The following PROM1 variants were observed in gnomAD, a reference collection of about 807,000 sequenced individuals.
The protein encoded by PROM1 is prominin 1, also known as prominin-1.
A neutral mutation model predicts 116.9 loss-of-function variants in PROM1; 105 were observed. The observed-to-expected ratio is 0.90, with a 90% CI of 0.77 to 1.06. PROM1 has a LOEUF of 1.06. Among genes scored for constraint, PROM1 ranks in the 50% least tolerant of loss-of-function variants. PROM1 has a pLI of 0.00. For missense variants in PROM1, 1,122 were observed against 1,045.2 expected, an observed-to-expected ratio of 1.07 and a Z score of -1.01; for synonymous variants, 393 against 387.0, an observed-to-expected ratio of 1.02 and a Z score of -0.18.
intron 26 of PROM1, among the ~76,000 whole-genome samples, chr4:15,975,368 C>T (rs1305200075): frequency 2.6e-5 from 4 of 152,122 alleles, no homozygotes; most frequent in Non-Finnish European, 5.9e-5. Flanking sequence ...TACAGGTGCC[C>T]GCCACTACGC....
intron 12 of PROM1, among the ~76,000 whole-genome samples, chr4:16,008,167 T>C (rs1725990276): frequency 6.6e-6 from 1 of 152,240 alleles, no homozygotes; most frequent in Non-Finnish European, 1.5e-5. Flanking sequence ...CACATGAGAA[T>C]GAGTCTCCGG....
intron 2 of PROM1, among the ~76,000 whole-genome samples, chr4:16,054,956 T>C (rs897830340): frequency 9.2e-5 from 14 of 152,234 alleles, no homozygotes; most frequent in Admixed American, 9.2e-4. Context: ...ACTTGTGACA[T>C]TTAATGATCC....
chr4:16,016,059 T>C (rs1002779685), intron 10 of PROM1, 107 bp downstream of exon 10: 3 of 1,026,264 alleles, frequency 2.9e-6, no homozygotes, highest in Non-Finnish European at 2.9e-6. Flanking sequence ...CTTGGCAACC[T>C]TTCTCTAGAA....
At chr4:16,017,337 A>G (rs1338307100) in intron 9 of PROM1, among the ~76,000 whole-genome samples, 1 of 152,198 alleles carries the variant, frequency 6.6e-6, no homozygotes, top group African/African-American at 2.4e-5. Flanking sequence ...TACATATTAA[A>G]AATAAAAAGT....
chr4:16,018,069 G>A (rs1230389674), intron 9 of PROM1, among the ~76,000 whole-genome samples: 1 of 151,266 alleles, frequency 6.6e-6, no homozygotes, highest in Non-Finnish European at 1.5e-5. Context: ...TTTTTTCTTT[G>A]TAAAGTTGAA....
chr4:15,987,580 C>G, intron 20 of PROM1, 83 bp downstream of exon 20: 2 of 1,362,072 alleles, frequency 1.5e-6, no homozygotes, highest in Non-Finnish European at 2.0e-6. Context: ...ACTTAAAGTA[C>G]CTACAAAAAT....
chr4:16,026,435 T>C (rs1007760454), intron 5 of PROM1, among the ~76,000 whole-genome samples: 1 of 151,902 alleles, frequency 6.6e-6, no homozygotes. Flanking sequence ...TGTTAGTTTG[T>C]AATCATCCAG....
At chr4:16,013,228 T>C (rs1176952430) in intron 11 of PROM1, 47 bp downstream of exon 11, 1 of 1,470,186 alleles carries the variant, frequency 6.8e-7, no homozygotes, top group South Asian at 1.1e-5. Context: ...CACATTTCTC[T>C]GTACTGACCT....
intron 13 of PROM1, among the ~76,000 whole-genome samples, 191 bp from the exon 14 acceptor site, chr4:16,000,810 G>A (rs1723609848): frequency 6.6e-6 from 1 of 151,858 alleles, no homozygotes; most frequent in Non-Finnish European, 1.5e-5. Context: ...GGACAGGCAA[G>A]GGTACACTGG....
At chr4:15,992,497 A>G in intron 16 of PROM1, 106 bp from the exon 17 acceptor site, 3 of 1,236,032 alleles carry the variant, frequency 2.4e-6, no homozygotes, top group Non-Finnish European at 3.4e-6. Context: ...TCATGCCTGC[A>G]ATCCTAGCAC....
chr4:16,005,466 T>C (rs936141312), intron 13 of PROM1, among the ~76,000 whole-genome samples: 1 of 151,220 alleles, frequency 6.6e-6, no homozygotes, highest in African/African-American at 2.4e-5. Flanking sequence ...GATTTATTGT[T>C]CCAGTGACCC....
chr4:16,035,646 G>T, intron 4 of PROM1, 89 bp downstream of exon 4: 1 of 1,247,454 alleles, frequency 8.0e-7, no homozygotes, highest in South Asian at 1.2e-5. Flanking sequence ...AAATGAAACG[G>T]ATCATTTAAA....
rs146465869 is a variant in PROM1, at chr4:16,058,766, T to C, written c.220+16921A>G. 9.9e-5 allele frequency among the ~76,000 whole-genome samples: 15 copies of C among 150,842 alleles called. No homozygotes were observed. In the East Asian group the frequency reaches 2.9e-3, roughly 29 times the overall value. On this transcript the variant is annotated intron_variant, in intron 2 of 27. Coordinates refer to ENST00000447510, the MANE Select transcript of PROM1 (RefSeq NM_006017.3). ...ATTTATTAGGAAATAAGCATAAAAA[T>C]AAAATAATTTACCTCAAAAGGCTAA...
At chr4:16,045,028 G>A (rs1008081895) in intron 2 of PROM1, among the ~76,000 whole-genome samples, 1 of 152,152 alleles carries the variant, frequency 6.6e-6, no homozygotes, top group African/African-American at 2.4e-5. Context: ...CAGATGCTAA[G>A]AGACATGTTA....
At chr4:16,002,235 G>A (rs1013749273) in intron 13 of PROM1, among the ~76,000 whole-genome samples, 2 of 152,090 alleles carry the variant, frequency 1.3e-5, no homozygotes, top group African/African-American at 4.8e-5. Flanking sequence ...GAAAGAGAAG[G>A]AAGAAAACAA....
At position 16,016,232 on chromosome 4, in the gene PROM1, G is replaced by A. The variant is rs944075326; in HGVS notation, c.1011C>T (p.Pro337=). The A allele has an allele frequency of 3.8e-5, 59 of 1,549,104 alleles. 1 individual carries two copies. The Middle Eastern group carries it at 5.0e-4, about 13-fold the overall frequency. Residue 337 remains proline, a synonymous_variant, in exon 10 of 28, where the codon CCC becomes CCT. Transcript: ENST00000447510. The part of the protein sequence containing the change: ...NSNPELRQLP[P]VDAELDNVNN... ...TAACGTTGTCAAGTTCTGCATCCAC[G>A]GGTGGAAGCTGAAAATTTATAAAAC...
chr4:16,040,482 TGAAA>T (rs1422851442), intron 2 of PROM1, among the ~76,000 whole-genome samples: 2 of 152,228 alleles, frequency 1.3e-5, no homozygotes, highest in Non-Finnish European at 1.5e-5. Context: ...TTTCACTGAA[TGAAA>T]GAGTCTACTG....
At chr4:15,987,642 G>A in intron 20 of PROM1, 21 bp downstream of exon 20, 1 of 1,603,442 alleles carries the variant, frequency 6.2e-7, no homozygotes, top group Non-Finnish European at 8.5e-7. Context: ...CCCCATGACA[G>A]AAAACAAAGT....
chr4:16,009,174 A>G, intron 11 of PROM1, 66 bp from the exon 12 acceptor site: 2 of 1,435,448 alleles, frequency 1.4e-6, no homozygotes, highest in Non-Finnish European at 1.9e-6. Flanking sequence ...TTGTTTTGGA[A>G]CCAAACAGAA....
Sources: gnomAD v4.1 joint callset for allele counts (sites outside exome capture counted in the v4.1 genomes callset) on GRCh38, gnomAD v4.1.1 for gene constraint, MANE v1.5 for transcripts, NCBI Gene and HGNC (gene_info 2026-07-23, HGNC 2026-07-21) for gene names.